STAG1: variants seen among roughly 807,000 people sequenced by gnomAD.
STAG1 encodes the protein STAG1 cohesin complex component, also known as cohesin subunit SA-1.
Under a neutral mutation model 170.9 loss-of-function variants are expected in STAG1, and 26 were observed. That is an observed-to-expected ratio of 0.15 (90% CI 0.11 to 0.21). The LOEUF (loss-of-function observed/expected upper bound fraction) is 0.21, where lower values mean the gene tolerates loss of function less well. Ranked by LOEUF, STAG1 falls within the 10% of genes least tolerant of loss-of-function variation. The probability of loss-of-function intolerance (pLI) is 1.00; values close to 1 mark genes in which losing one functional copy is unlikely to be tolerated. For synonymous variants in STAG1, 514 were observed against 497.7 expected, an observed-to-expected ratio of 1.03 and a Z score of -0.44; for missense variants, 964 against 1,509.5, an observed-to-expected ratio of 0.64 and a Z score of 5.99.
At chr3:136,665,486 G>C (rs1358802606) in intron 1 of STAG1, among the ~76,000 whole-genome samples, 1 of 152,076 alleles carries the variant, frequency 6.6e-6, no homozygotes, top group African/African-American at 2.4e-5. Flanking sequence ...CAGGCCTTTA[G>C]AAGTGAAAGA....
intron 22 of STAG1, among the ~76,000 whole-genome samples, chr3:136,395,425 C>G (rs375235276): frequency 1.3e-5 from 2 of 152,096 alleles, no homozygotes; most frequent in African/African-American, 2.4e-5. Flanking sequence ...GAGTCCAAGA[C>G]CAGCCTGGCC....
intron 5 of STAG1, among the ~76,000 whole-genome samples, chr3:136,555,145 AAAC>A (rs1936559216): frequency 6.7e-6 from 1 of 148,690 alleles, no homozygotes; most frequent in South Asian, 2.1e-4. Flanking sequence ...GGAATATTAT[AAAC>A]AACTTTATAA....
At chr3:136,410,362 C>T (rs1035482321) in intron 21 of STAG1, among the ~76,000 whole-genome samples, 2 of 151,624 alleles carry the variant, frequency 1.3e-5, no homozygotes, top group African/African-American at 4.8e-5. Context: ...TGAGATCACA[C>T]CACTACACTC....
At chr3:136,510,825 T>G (rs1576547558) in intron 7 of STAG1, among the ~76,000 whole-genome samples, 1 of 151,868 alleles carries the variant, frequency 6.6e-6, no homozygotes, top group African/African-American at 2.4e-5. Context: ...TCGCCCAGTC[T>G]GGAGTGCAGT....
At chr3:136,723,957 C>A (rs1311211487) in intron 1 of STAG1, among the ~76,000 whole-genome samples, 3 of 150,180 alleles carry the variant, frequency 2.0e-5, no homozygotes, top group Admixed American at 1.3e-4. Context: ...GCCAGGCCAG[C>A]CGCCCCGACC....
Position 136,581,315 on chromosome 3 carries a change from A to G in STAG1, c.298-12454T>C, listed in dbSNP as rs1387329523. On this transcript the variant is annotated intron_variant, in intron 4 of 33. Transcript: ENST00000383202. ...TAGAGCAAGTCCTTCATTACTCTTC[A>G]TTTCCAGAATTTTCTTGCCACTTAC... is the stretch of plus-strand genomic sequence containing the variant. Among the ~76,000 whole-genome samples, 4 of 152,194 alleles carry G rather than the reference A, an allele frequency of 2.6e-5. No individual in the cohort carries two copies. The East Asian group carries it at 7.7e-4, about 29-fold the overall frequency.
chr3:136,723,976 G>C (rs993687219), intron 1 of STAG1, among the ~76,000 whole-genome samples: 1 of 150,706 alleles, frequency 6.6e-6, no homozygotes. Context: ...CCAGGAGGGA[G>C]GTGGGGGGGT....
intron 1 of STAG1, among the ~76,000 whole-genome samples, chr3:136,734,548 T>C (rs1385647346): frequency 1.3e-5 from 2 of 152,194 alleles, no homozygotes; most frequent in Non-Finnish European, 2.9e-5. Flanking sequence ...ATGTTTGTCA[T>C]TTCCTGACAC....
At chr3:136,357,642 G>T in intron 28 of STAG1, 78 bp downstream of exon 28, 1 of 1,117,368 alleles carries the variant, frequency 8.9e-7, no homozygotes, top group Non-Finnish European at 1.3e-6. Flanking sequence ...ATATCCAAAT[G>T]ATTAAAAATT....
intron 5 of STAG1, among the ~76,000 whole-genome samples, chr3:136,549,016 G>A (rs1328757584): frequency 1.3e-5 from 2 of 152,166 alleles, no homozygotes; most frequent in East Asian, 1.9e-4. Flanking sequence ...TCCTAGCCAC[G>A]CTTCCTCTAC....
At chr3:136,680,304 G>T (rs982820716) in intron 1 of STAG1, among the ~76,000 whole-genome samples, 3 of 152,168 alleles carry the variant, frequency 2.0e-5, no homozygotes, top group African/African-American at 7.2e-5. Flanking sequence ...ACCTTAGGTG[G>T]GGGAATTCCC....
chr3:136,531,332 C>T (rs1576575424), intron 6 of STAG1, among the ~76,000 whole-genome samples: 1 of 150,530 alleles, frequency 6.6e-6, no homozygotes, highest in Non-Finnish European at 1.5e-5. Context: ...CTAGTTCAAC[C>T]ATTGTGGAAG....
At position 136,748,789 on chromosome 3, in the gene STAG1, C is replaced by T. The variant is rs115229902; in HGVS notation, c.-84+3406G>A. Among the ~76,000 whole-genome samples the T allele has an allele frequency of 5.6e-3, 855 of 152,332 alleles. 3 individuals are homozygous for T. The highest frequency in any genetic ancestry group is 9.7e-3 in the Non-Finnish European group (657 of 68,024). Reference sequence around the variant, plus strand: ...AATAATTATACAAACTCCCTTCTCCCATTGCCTCCCTTCTTTATAACGTTT... The same window carrying T: ...AATAATTATACAAACTCCCTTCTCCTATTGCCTCCCTTCTTTATAACGTTT... On this transcript the variant is annotated intron_variant, in intron 1 of 33. Coordinates refer to ENST00000383202, the MANE Select transcript of STAG1 (RefSeq NM_005862.3).
intron 1 of STAG1, among the ~76,000 whole-genome samples, chr3:136,677,803 G>A (rs916094192): frequency 1.3e-5 from 2 of 151,104 alleles, no homozygotes; most frequent in African/African-American, 4.9e-5. Context: ...TTTTGTTATA[G>A]CAGCCTGAAT....
At chr3:136,465,269 G>C (rs1016330129) in intron 12 of STAG1, among the ~76,000 whole-genome samples, 9 of 148,320 alleles carry the variant, frequency 6.1e-5, no homozygotes, top group African/African-American at 7.4e-5. Context: ...AACTAGGCTG[G>C]AGTACAACAC....
intron 1 of STAG1, among the ~76,000 whole-genome samples, chr3:136,680,229 C>G (rs554566011): frequency 6.6e-6 from 1 of 152,232 alleles, no homozygotes; most frequent in South Asian, 2.1e-4. Flanking sequence ...CCACTGCACT[C>G]CAACCTGGGC....
intron 15 of STAG1, among the ~76,000 whole-genome samples, chr3:136,438,977 AC>A (rs1051213860): frequency 3.2e-4 from 48 of 151,742 alleles, no homozygotes; most frequent in African/African-American, 1.1e-3. Context: ...CAGGCGGATC[AC>A]TTGAGGTCAG....
intron 4 of STAG1, among the ~76,000 whole-genome samples, chr3:136,593,019 T>C (rs893361039): frequency 1.3e-5 from 2 of 152,212 alleles, no homozygotes; most frequent in Non-Finnish European, 2.9e-5. Context: ...CTTTTCCAAA[T>C]TGTGGGTGCT....
intron 7 of STAG1, among the ~76,000 whole-genome samples, chr3:136,511,460 G>C (rs1331532900): frequency 6.6e-6 from 1 of 152,204 alleles, no homozygotes; most frequent in African/African-American, 2.4e-5. Context: ...GGAAGGCTTT[G>C]CAGCCATAAA....
Sources: allele counts gnomAD v4.1 joint callset (sites outside exome capture counted in the v4.1 genomes callset), GRCh38; gene constraint gnomAD v4.1.1; transcripts MANE v1.5; gene names NCBI Gene and HGNC (gene_info 2026-07-23, HGNC 2026-07-21).